MAP1B: variants seen among roughly 807,000 people sequenced by gnomAD.
MAP1B encodes microtubule-associated protein 1B.
Under a neutral mutation model 176.1 loss-of-function variants are expected in MAP1B, and 12 were observed. The ratio of observed to expected loss-of-function variants is 0.07; its 90% CI spans 0.04 to 0.11. The LOEUF (loss-of-function observed/expected upper bound fraction) is 0.11. MAP1B is among the 10% of genes least tolerant of loss of function. The pLI is 1.00. For synonymous variants in MAP1B, 1,044 were observed against 1,135.0 expected (o/e 0.92, Z 1.61); for missense variants, 2,523 against 2,990.5 (o/e 0.84, Z 3.65).
In MAP1B at chr5:72,193,953, A is replaced by C; in HGVS notation, c.598A>C (p.Asn200His). Residue 200 changes from asparagine to histidine, a missense_variant, in exon 5 of 7, where the codon AAT (asparagine) becomes CAT (histidine). Asn to His is a moderately conservative substitution (Grantham distance 68, BLOSUM62 1). This residue lies in a region of MAP1B where 307 missense variants were observed against 438.4 expected (regional missense o/e 0.70). Coordinates refer to ENST00000296755, the MANE Select transcript of MAP1B (RefSeq NM_005909.5). ...CPEEGDWKNS[N>H]LDRHNLQDFI... ...TGAAGAAGGGGACTGGAAGAACTCCAATCTTGACAGACACAATCTCCAAGA... is the reference window on the plus strand; with the variant it reads ...TGAAGAAGGGGACTGGAAGAACTCCCATCTTGACAGACACAATCTCCAAGA... 1 of 1,614,136 alleles carries C rather than the reference A, an allele frequency of 6.2e-7. No individual in the cohort carries two copies. Among genetic ancestry groups the C allele is most frequent in the Non-Finnish European group, 8.5e-7 (1 of 1,179,984 alleles).
At chr5:72,129,397 A>T (rs1413986603) in intron 2 of MAP1B, among the ~76,000 whole-genome samples, 1 of 152,118 alleles carries the variant, frequency 6.6e-6, no homozygotes, top group Non-Finnish European at 1.5e-5. Flanking sequence ...CTCTACTAAA[A>T]ATAGAAAAAA....
At chr5:72,118,017 AG>A (rs1483425812) in intron 2 of MAP1B, among the ~76,000 whole-genome samples, 1 of 152,240 alleles carries the variant, frequency 6.6e-6, no homozygotes, top group Non-Finnish European at 1.5e-5. Flanking sequence ...GATTGGGCCC[AG>A]GGAAGCCTTT....
At chr5:72,179,494 A>G (rs1746721222) in intron 2 of MAP1B, 1 of 415,614 alleles carries the variant, frequency 2.4e-6, no homozygotes, top group Non-Finnish European at 3.2e-6. Context: ...AGTGTGAAAC[A>G]TTCCCCAAAT....
chr5:72,167,438 AC>A (rs1746452789), intron 2 of MAP1B, among the ~76,000 whole-genome samples: 1 of 152,220 alleles, frequency 6.6e-6, no homozygotes. Flanking sequence ...TGAACAAGAC[AC>A]TTCTCAGTTG....
chr5:72,163,040 C>T (rs1223950713), intron 2 of MAP1B, among the ~76,000 whole-genome samples: 1 of 151,882 alleles, frequency 6.6e-6, no homozygotes, highest in Non-Finnish European at 1.5e-5. Flanking sequence ...CCAGCCTGGC[C>T]AACATAGTGA....
intron 2 of MAP1B, among the ~76,000 whole-genome samples, chr5:72,161,956 CAAAAA>C (rs4043357): frequency 1.2e-5 from 1 of 85,024 alleles, no homozygotes; most frequent in African/African-American, 4.4e-5. Context: ...AATTCCGTCT[CAAAAA>C]AAAAAAAAAA....
At chr5:72,123,099 G>A (rs1745561555) in intron 2 of MAP1B, among the ~76,000 whole-genome samples, 1 of 152,136 alleles carries the variant, frequency 6.6e-6, no homozygotes, top group Non-Finnish European at 1.5e-5. Context: ...GGAAGATGAA[G>A]AATAAAGCAT....
Position 72,199,523 on chromosome 5 carries a change from A to G in MAP1B, c.6168A>G (p.Thr2056=). 1.2e-6 allele frequency: 2 copies of G among 1,614,184 alleles called. No homozygotes were observed. Among genetic ancestry groups the G allele is most frequent in the East Asian group, 2.2e-5 (1 of 44,878 alleles). The change falls in exon 5 of 7, where the codon ACA becomes ACG. Residue 2056 remains threonine (T), a synonymous_variant. Coordinates refer to ENST00000296755, the MANE Select transcript of MAP1B (RefSeq NM_005909.5). The surrounding 1 kb of genome is among the most constrained non-coding windows in gnomAD (Gnocchi z 4.2). ...EKITRTPQAS[T]YSYETSDLCY... is the part of the protein sequence containing the mutation. ...TCACTAGAACCCCTCAGGCATCCACATATTCCTACGAGACTTCAGACCTAT... is the reference window on the plus strand; with the variant it reads ...TCACTAGAACCCCTCAGGCATCCACGTATTCCTACGAGACTTCAGACCTAT...
At chr5:72,175,159 G>A (rs1746627800) in intron 2 of MAP1B, among the ~76,000 whole-genome samples, 1 of 151,188 alleles carries the variant, frequency 6.6e-6, no homozygotes, top group East Asian at 2.0e-4. Context: ...CAACCTCCTG[G>A]GCTCAAGTGA....
intron 1 of MAP1B, among the ~76,000 whole-genome samples, chr5:72,112,774 C>G (rs946247125): frequency 7.2e-5 from 11 of 152,244 alleles, no homozygotes; most frequent in Admixed American, 6.5e-4. Context: ...ATTCTGCCCC[C>G]ACCTGGGTAA....
intron 4 of MAP1B, among the ~76,000 whole-genome samples, chr5:72,187,104 T>G (rs1405322004): frequency 1.3e-5 from 2 of 152,206 alleles, no homozygotes; most frequent in Non-Finnish European, 2.9e-5. Flanking sequence ...TCCAAAGATA[T>G]CTGGGGCTTT....
intron 2 of MAP1B, among the ~76,000 whole-genome samples, chr5:72,129,006 C>CA (rs1415266854): frequency 1.3e-5 from 2 of 152,080 alleles, no homozygotes; most frequent in African/African-American, 4.8e-5. Context: ...CATCTCCCTC[C>CA]AAATAAGCTA....
intron 6 of MAP1B, 112 bp downstream of exon 6, chr5:72,203,913 G>A (rs886157682): frequency 3.5e-6 from 3 of 861,096 alleles, no homozygotes; most frequent in Non-Finnish European, 5.5e-6. Context: ...ATCCACATGA[G>A]GTGCCTCCTG....
At chr5:72,113,316 G>T (rs1343744041) in intron 1 of MAP1B, among the ~76,000 whole-genome samples, 1 of 152,062 alleles carries the variant, frequency 6.6e-6, no homozygotes, top group Non-Finnish European at 1.5e-5. Context: ...GGTGGAAATT[G>T]CTCTCTTGAA....
At position 72,196,303 on chromosome 5, in the gene MAP1B, A is replaced by T. The variant is rs1282938630; in HGVS notation, c.2948A>T (p.Asp983Val). 1 of 1,614,126 alleles carries T rather than the reference A, an allele frequency of 6.2e-7. No individual in the cohort carries two copies. The highest frequency in any genetic ancestry group is 1.7e-5 in the Admixed American group (1 of 60,018). ...EDEESAKAEA[D>V]AYIREKRESV... ...GAGGAAAGTGCCAAGGCGGAGGCTGATGCATACATCAGGGAGAAGAGGGAG... is the reference window on the plus strand; with the variant it reads ...GAGGAAAGTGCCAAGGCGGAGGCTGTTGCATACATCAGGGAGAAGAGGGAG... Residue 983 changes from aspartate to valine, a missense_variant, in exon 5 of 7, where the codon GAT becomes GTT. This residue lies in a region of MAP1B where 1,925 missense variants were observed against 2,126.0 expected (regional missense o/e 0.91). Coordinates refer to ENST00000296755, the MANE Select transcript of MAP1B (RefSeq NM_005909.5). The surrounding 1 kb of genome is among the most constrained non-coding windows in gnomAD (Gnocchi z 5.3).
intron 2 of MAP1B, among the ~76,000 whole-genome samples, chr5:72,151,272 C>G (rs901576419): frequency 5.3e-5 from 8 of 152,168 alleles, no homozygotes; most frequent in Non-Finnish European, 1.0e-4. Context: ...AAACTCACTT[C>G]ATGAGAACAG....
Position 72,198,787 on chromosome 5 carries a change from C to G in MAP1B, c.5432C>G (p.Thr1811Arg). Reference sequence around the variant, plus strand: ...TCTACCTCTGCAGTCAAAGAGAAAACAGCAACTTGCCACAGTTCCTCTTCT... The same window carrying G: ...TCTACCTCTGCAGTCAAAGAGAAAAGAGCAACTTGCCACAGTTCCTCTTCT... The part of the protein sequence containing the change: ...SDSTSAVKEK[T>R]ATCHSSSSPP... Residue 1811 changes from threonine to arginine, a missense_variant, in exon 5 of 7, where the codon ACA becomes AGA. This residue lies in a region of MAP1B where 1,925 missense variants were observed against 2,126.0 expected (regional missense o/e 0.91). Transcript: ENST00000296755. 6.2e-7 allele frequency: 1 copy of G among 1,614,196 alleles called. No homozygotes were observed. The highest frequency in any genetic ancestry group is 1.1e-5 in the South Asian group (1 of 91,080).
At chr5:72,109,023 G>A (rs186297769) in intron 1 of MAP1B, among the ~76,000 whole-genome samples, 202 of 152,306 alleles carry the variant, frequency 1.3e-3, no homozygotes, top group African/African-American at 4.4e-3. Context: ...GCGGACAAAG[G>A]GCGTTCACGC....
Position 72,177,097 on chromosome 5 carries a change from A to G in MAP1B, c.287-6646A>G, listed in dbSNP as rs908324937. Among the ~76,000 whole-genome samples, 205 of 152,094 alleles carry G rather than the reference A, an allele frequency of 1.3e-3. 1 individual carries two copies. Among genetic ancestry groups the G allele is most frequent in the African/African-American group, 4.7e-3 (194 of 41,476 alleles). The stretch of plus-strand genomic sequence containing the variant: ...CCTACCACCTTTGTTTTCTAACAGC[A>G]CCTCTGTGGCAGGGGTGAGGGTTTT... On this transcript the variant is annotated intron_variant, in intron 2 of 6. Coordinates refer to ENST00000296755, the MANE Select transcript of MAP1B (RefSeq NM_005909.5).
Sources: gnomAD v4.1 joint callset for allele counts (sites outside exome capture counted in the v4.1 genomes callset) on GRCh38, gnomAD v4.1.1 for gene constraint, gnomAD v4.1.1 regional missense constraint, Gnocchi (gnomAD v3.1) non-coding constraint, MANE v1.5 for transcripts, NCBI Gene and HGNC (gene_info 2026-07-23, HGNC 2026-07-21) for gene names.